The following PDE1A variants were observed in gnomAD, a reference collection of about 807,000 sequenced individuals.
PDE1A encodes the protein dual specificity calcium/calmodulin-dependent 3',5'-cyclic nucleotide phosphodiesterase 1A.
A neutral mutation model predicts 61.7 loss-of-function variants in PDE1A; 35 were observed. The ratio of observed to expected loss-of-function variants is 0.57; its 90% CI spans 0.43 to 0.75. The LOEUF (loss-of-function observed/expected upper bound fraction) is 0.75. PDE1A is among the 30% of genes least tolerant of loss of function. The probability of loss-of-function intolerance (pLI) is 0.00; values close to 1 mark genes in which losing one functional copy is unlikely to be tolerated. For missense variants in PDE1A, 597 were observed against 630.6 expected (o/e 0.95, Z 0.57); for synonymous variants, 232 against 213.2 (o/e 1.09, Z -0.77).
chr2:182,295,368 T>A (rs1694817827), intron 1 of PDE1A, among the ~76,000 whole-genome samples: 1 of 152,136 alleles, frequency 6.6e-6, no homozygotes, highest in African/African-American at 2.4e-5. Context: ...CCCTACTTTG[T>A]AAATCGAATA....
chr2:182,555,467 C>CT, the PDE1A span, among the ~76,000 whole-genome samples: 1 of 152,122 alleles, frequency 6.6e-6, no homozygotes, highest in African/African-American at 2.4e-5. Context: ...TTAACCAATT[C>CT]TTTTTTAAAA....
At chr2:182,679,129 T>A in the PDE1A span, among the ~76,000 whole-genome samples, 3 of 149,156 alleles carry the variant, frequency 2.0e-5, no homozygotes, top group South Asian at 4.3e-4. Flanking sequence ...CTCAGCCTCC[T>A]GAGTAGCTGG....
At chr2:182,297,741 C>T (rs768594563) in intron 1 of PDE1A, among the ~76,000 whole-genome samples, 20 of 152,196 alleles carry the variant, frequency 1.3e-4, no homozygotes, top group Admixed American at 2.0e-4. Context: ...TAACAGAGCC[C>T]ACTCTGCCTA....
intron 2 of PDE1A, among the ~76,000 whole-genome samples, chr2:182,255,881 C>T (rs1691743317): frequency 6.6e-6 from 1 of 151,586 alleles, no homozygotes; most frequent in Non-Finnish European, 1.5e-5. Context: ...TGGTCTTGAA[C>T]TCCTGACCTT....
At chr2:182,355,179 G>A (rs1405470865) in intron 1 of PDE1A, among the ~76,000 whole-genome samples, 1 of 151,830 alleles carries the variant, frequency 6.6e-6, no homozygotes, top group Non-Finnish European at 1.5e-5. Context: ...ATGTATATAT[G>A]TAAATATTCT....
In PDE1A at chr2:182,217,965, C is replaced by A. The variant is rs542565871; in HGVS notation, c.776+5899G>T. On this transcript the variant is annotated intron_variant, in intron 7 of 13. Transcript: ENST00000351439. ...AATCATGCTGCTATAAAGACACATG[C>A]AAACGTATGTTTATTGCGGCACTAT... is the stretch of plus-strand genomic sequence containing the variant. Among the ~76,000 whole-genome samples, 11 of 151,680 alleles carry A rather than the reference C, an allele frequency of 7.3e-5. No individual in the cohort carries two copies. The East Asian group carries it at 1.4e-3, about 19-fold the overall frequency.
intron 2 of PDE1A, chr2:182,242,031 T>TGTA: frequency 3.0e-6 from 4 of 1,348,950 alleles, no homozygotes; most frequent in Non-Finnish European, 3.8e-6. Context: ...TCAGATACAG[T>TGTA]GTAGGTAGAA....
chr2:182,493,169 C>T (rs1269926975), intron 2 of PDE1A, among the ~76,000 whole-genome samples: 2 of 151,840 alleles, frequency 1.3e-5, no homozygotes, highest in African/African-American at 4.8e-5. Flanking sequence ...CTTGCTATAC[C>T]TAGTTTTTAA....
At chr2:182,215,957 C>G (rs1688140838) in intron 7 of PDE1A, among the ~76,000 whole-genome samples, 2 of 119,482 alleles carry the variant, frequency 1.7e-5, no homozygotes, top group South Asian at 6.0e-4. Context: ...GGCAGAGACA[C>G]AACAAAAAAA....
At chr2:182,506,988 G>A (rs1689453217) in intron 2 of PDE1A, among the ~76,000 whole-genome samples, 1 of 152,222 alleles carries the variant, frequency 6.6e-6, no homozygotes, top group African/African-American at 2.4e-5. Context: ...TGCTGAAGGA[G>A]CATGCACTGG....
the PDE1A span, among the ~76,000 whole-genome samples, chr2:182,556,288 G>A: frequency 6.6e-6 from 1 of 152,256 alleles, no homozygotes; most frequent in East Asian, 1.9e-4. Flanking sequence ...ATGGCAATGA[G>A]GCTGAGATCT....
At chr2:182,446,345 T>C (rs371785058) in intron 2 of PDE1A, among the ~76,000 whole-genome samples, 2 of 152,068 alleles carry the variant, frequency 1.3e-5, no homozygotes, top group East Asian at 3.9e-4. Flanking sequence ...AGGACAAAGA[T>C]AAACTTATCT....
the PDE1A span, among the ~76,000 whole-genome samples, chr2:182,660,041 A>T: frequency 6.6e-6 from 1 of 152,192 alleles, no homozygotes; most frequent in Non-Finnish European, 1.5e-5. Flanking sequence ...GCATGGCTGG[A>T]TGTGTGTGTA....
intron 2 of PDE1A, among the ~76,000 whole-genome samples, chr2:182,506,550 A>G (rs1456486240): frequency 6.6e-6 from 1 of 152,204 alleles, no homozygotes; most frequent in Non-Finnish European, 1.5e-5. Context: ...ACTCCTTTGA[A>G]CTAATCAAAT....
At chr2:182,240,530 A>G (rs1170922559) in intron 2 of PDE1A, among the ~76,000 whole-genome samples, 3 of 152,174 alleles carry the variant, frequency 2.0e-5, no homozygotes, top group African/African-American at 4.8e-5. Context: ...CTTCCCAAAC[A>G]TTTCAGCACA....
chr2:182,473,738 G>T (rs1236783873), intron 2 of PDE1A, among the ~76,000 whole-genome samples: 1 of 151,906 alleles, frequency 6.6e-6, no homozygotes, highest in African/African-American at 2.4e-5. Context: ...AGAACATCAG[G>T]TATTTGGTTT....
intron 1 of PDE1A, among the ~76,000 whole-genome samples, chr2:182,355,041 T>C (rs1484680468): frequency 6.6e-6 from 1 of 152,104 alleles, no homozygotes; most frequent in Non-Finnish European, 1.5e-5. Context: ...CTTAATGGAG[T>C]ATTTATTTTA....
chr2:182,588,845 G>C, the PDE1A span, among the ~76,000 whole-genome samples: 1 of 151,912 alleles, frequency 6.6e-6, no homozygotes, highest in African/African-American at 2.4e-5. Flanking sequence ...GGAGTTCAAG[G>C]CCAGCTTGGC....
intron 6 of PDE1A, among the ~76,000 whole-genome samples, chr2:182,228,346 A>G (rs904903586): frequency 6.6e-6 from 1 of 152,046 alleles, no homozygotes; most frequent in Admixed American, 6.6e-5. Flanking sequence ...AGATGACAAC[A>G]TGCATTAGTC....
Sources: allele counts gnomAD v4.1 joint callset (sites outside exome capture counted in the v4.1 genomes callset), GRCh38; gene constraint gnomAD v4.1.1; transcripts MANE v1.5; gene names NCBI Gene and HGNC (gene_info 2026-07-23, HGNC 2026-07-21).